Variants in ERC2 observed in about 807,000 individuals in gnomAD.
ERC2 encodes ERC protein 2.
In ERC2, 42 loss-of-function variants were observed where a neutral mutation model predicts 114.8. The observed-to-expected ratio is 0.37, with a 90% CI of 0.29 to 0.47. The LOEUF (loss-of-function observed/expected upper bound fraction) is 0.47. Among genes scored for constraint, ERC2 ranks in the 20% least tolerant of loss-of-function variants. The pLI is 0.99. For missense variants in ERC2, 939 were observed against 1,150.7 expected (o/e 0.82, Z 2.66); for synonymous variants, 454 against 425.5 (o/e 1.07, Z -0.82).
chr3:55,961,673 C>T (rs1473086718), intron 12 of ERC2, among the ~76,000 whole-genome samples: 1 of 150,348 alleles, frequency 6.7e-6, no homozygotes, highest in African/African-American at 2.4e-5. Context: ...TGAAACAAGT[C>T]CCCCTTTTTT....
chr3:55,561,160 A>G (rs2055991816), intron 17 of ERC2, among the ~76,000 whole-genome samples: 2 of 152,030 alleles, frequency 1.3e-5, no homozygotes, highest in Admixed American at 6.5e-5. Context: ...TTCTTTAAAA[A>G]AAAAAAAAAA....
intron 17 of ERC2, among the ~76,000 whole-genome samples, chr3:55,667,815 G>C (rs1171005675): frequency 6.6e-6 from 1 of 152,358 alleles, no homozygotes; most frequent in Admixed American, 6.5e-5. Context: ...TGCAGAACTA[G>C]TGAGTGATGG....
intron 2 of ERC2, among the ~76,000 whole-genome samples, chr3:56,377,022 C>T (rs186716371): frequency 2.0e-5 from 3 of 152,262 alleles, no homozygotes; most frequent in Admixed American, 6.5e-5. Context: ...TATCCTGATG[C>T]ACCTCCCCCC....
chr3:55,629,408 A>G (rs1300413592), intron 17 of ERC2, among the ~76,000 whole-genome samples: 2 of 152,264 alleles, frequency 1.3e-5, no homozygotes, highest in Non-Finnish European at 2.9e-5. Flanking sequence ...ATTGAAACTT[A>G]CAGTGACTTG....
chr3:56,215,686 A>G (rs1198384542), intron 3 of ERC2, among the ~76,000 whole-genome samples: 1 of 152,220 alleles, frequency 6.6e-6, no homozygotes, highest in Non-Finnish European at 1.5e-5. Context: ...TCAACAGAAT[A>G]TACATTCTTC....
chr3:55,580,278 A>G (rs935409714), intron 17 of ERC2, among the ~76,000 whole-genome samples: 7 of 151,692 alleles, frequency 4.6e-5, no homozygotes, highest in Middle Eastern at 3.2e-3. Flanking sequence ...ACTGAGTTCA[A>G]TTTGGGGAGG....
chr3:56,310,494 A>G (rs2056473338), intron 2 of ERC2, among the ~76,000 whole-genome samples: 1 of 152,222 alleles, frequency 6.6e-6, no homozygotes, highest in Non-Finnish European at 1.5e-5. Flanking sequence ...CAGAATTGTA[A>G]GATGTCTTAC....
chr3:56,231,601 T>G (rs140948437), intron 3 of ERC2, among the ~76,000 whole-genome samples: 2 of 152,208 alleles, frequency 1.3e-5, no homozygotes, highest in African/African-American at 4.8e-5. Context: ...GCATTATAAA[T>G]TACAGTTGTT....
chr3:56,367,935 C>T (rs929059217), intron 2 of ERC2, among the ~76,000 whole-genome samples: 2 of 128,606 alleles, frequency 1.6e-5, no homozygotes, highest in African/African-American at 5.7e-5. Context: ...GGAGAGACTC[C>T]ATCTCTCTTT....
At chr3:56,357,042 AT>A (rs1172020142) in intron 2 of ERC2, among the ~76,000 whole-genome samples, 1 of 152,152 alleles carries the variant, frequency 6.6e-6, no homozygotes, top group East Asian at 1.9e-4. Flanking sequence ...GATAGTAAAT[AT>A]TTTTTGCAGG....
At chr3:56,461,294 C>T (rs1416052548) in intron 1 of ERC2, among the ~76,000 whole-genome samples, 2 of 152,156 alleles carry the variant, frequency 1.3e-5, no homozygotes, top group African/African-American at 4.8e-5. Flanking sequence ...CAGAAAAGTG[C>T]TGCAGAAACC....
intron 3 of ERC2, among the ~76,000 whole-genome samples, chr3:56,272,748 C>T (rs534176154): frequency 1.2e-4 from 19 of 152,230 alleles, no homozygotes; most frequent in Admixed American, 2.0e-4. Flanking sequence ...CCAGCCCCAG[C>T]GACAGAGATT....
At chr3:56,208,765 A>C (rs533503240) in intron 3 of ERC2, among the ~76,000 whole-genome samples, 6 of 152,318 alleles carry the variant, frequency 3.9e-5, no homozygotes, top group African/African-American at 1.4e-4. Flanking sequence ...GCAGGAAAGA[A>C]AGTGCCTAGC....
chr3:55,609,297 T>A (rs375178349), intron 17 of ERC2, among the ~76,000 whole-genome samples: 21 of 152,288 alleles, frequency 1.4e-4, no homozygotes, highest in African/African-American at 4.8e-4. Flanking sequence ...AGGGGGTGTG[T>A]CCTAAATTAG....
chr3:55,775,085 A>C (rs894535979), intron 14 of ERC2, among the ~76,000 whole-genome samples: 9 of 152,122 alleles, frequency 5.9e-5, no homozygotes, highest in African/African-American at 1.9e-4. Flanking sequence ...GCTAGCATCA[A>C]ATGTCCCCAC....
In ERC2 at chr3:56,440,990, G is replaced by A. The variant is rs183417553; in HGVS notation, c.-140-5843C>T. ...TCAAGAAATTGATTCTATTTCCTTT[G>A]TCCTTGAATCTGGACTGGCCTTGTG... On this transcript the variant is annotated intron_variant, in intron 1 of 17. Coordinates refer to ENST00000288221, the MANE Select transcript of ERC2 (RefSeq NM_015576.3). Among the ~76,000 whole-genome samples the A allele has an allele frequency of 3.2e-4, 48 of 152,158 alleles. No homozygotes were observed. In the East Asian group the frequency reaches 8.5e-3, roughly 27 times the overall value.
At chr3:55,840,718 G>A (rs769880750) in intron 14 of ERC2, among the ~76,000 whole-genome samples, 29 of 152,000 alleles carry the variant, frequency 1.9e-4, no homozygotes, top group Non-Finnish European at 3.4e-4. Context: ...GCCCTGAACC[G>A]GAAACAATCC....
At chr3:56,158,177 G>C (rs2081842275) in intron 4 of ERC2, among the ~76,000 whole-genome samples, 2 of 152,176 alleles carry the variant, frequency 1.3e-5, no homozygotes, top group Non-Finnish European at 2.9e-5. Flanking sequence ...TTTAAAGTAG[G>C]ACAGTTAGTC....
chr3:55,562,863 T>A (rs2056118633), intron 17 of ERC2, among the ~76,000 whole-genome samples: 1 of 152,232 alleles, frequency 6.6e-6, no homozygotes, highest in Non-Finnish European at 1.5e-5. Flanking sequence ...AGCAAATGAA[T>A]GTTGGCAAAT....
Sources: gnomAD v4.1 joint callset for allele counts (sites outside exome capture counted in the v4.1 genomes callset) on GRCh38, gnomAD v4.1.1 for gene constraint, MANE v1.5 for transcripts, NCBI Gene and HGNC (gene_info 2026-07-23, HGNC 2026-07-21) for gene names.